The following RAP1GAP variants were observed in gnomAD, a reference collection of about 807,000 sequenced individuals.
RAP1GAP encodes rap1 GTPase-activating protein 1.
RAP1GAP carries 35 observed loss-of-function variants against 87.2 expected under a neutral mutation model. That is an observed-to-expected ratio of 0.40 (90% CI 0.31 to 0.53). The LOEUF (loss-of-function observed/expected upper bound fraction) is 0.53. RAP1GAP is among the 20% of genes least tolerant of loss of function. The pLI, the probability that RAP1GAP is intolerant of heterozygous loss-of-function variation, is 0.48. For synonymous variants in RAP1GAP, 375 were observed against 363.9 expected (o/e 1.03, Z -0.35); for missense variants, 734 against 898.9 (o/e 0.82, Z 2.35).
intron 23 of RAP1GAP, 114 bp downstream of exon 23, chr1:21,597,847 C>A: frequency 6.6e-7 from 1 of 1,505,344 alleles, no homozygotes; most frequent in Non-Finnish European, 9.1e-7. Context: ...CCCCTCCTGG[C>A]CTAGCGGGGC....
chr1:21,665,973 G>C (rs750240865), intron 1 of RAP1GAP, among the ~76,000 whole-genome samples: 2 of 152,252 alleles, frequency 1.3e-5, no homozygotes, highest in Non-Finnish European at 2.9e-5. Context: ...GCCAGGCTGA[G>C]CTGCCTCCCA....
intron 2 of RAP1GAP, among the ~76,000 whole-genome samples, chr1:21,643,787 G>GC (rs1215222090): frequency 6.6e-6 from 1 of 152,144 alleles, no homozygotes; most frequent in Non-Finnish European, 1.5e-5. Flanking sequence ...CATTGTTATG[G>GC]ACAATCTGGG....
intron 1 of RAP1GAP, among the ~76,000 whole-genome samples, chr1:21,660,060 G>T (rs1177962563): frequency 1.3e-5 from 2 of 151,696 alleles, no homozygotes; most frequent in Non-Finnish European, 2.9e-5. Context: ...TGGTATCCTC[G>T]GGCTTGAATG....
chr1:21,662,618 C>A lies in RAP1GAP; in HGVS notation c.-149+6636G>T, dbSNP rs563618086. On this transcript the variant is annotated intron_variant, in intron 1 of 24. Coordinates refer to ENST00000374765, the MANE Select transcript of RAP1GAP (RefSeq NM_002885.4). Reference sequence around the variant, plus strand: ...CTGGAAGCTTCAGGGCCACGTCCTGCAGGTGTGAGCCTCCAAGTCTCAGCC... The same window carrying A: ...CTGGAAGCTTCAGGGCCACGTCCTGAAGGTGTGAGCCTCCAAGTCTCAGCC... Among the ~76,000 whole-genome samples the A allele has an allele frequency of 2.0e-5, 3 of 152,270 alleles. No homozygotes were observed. The East Asian group carries it at 5.8e-4, about 29-fold the overall frequency.
chr1:21,610,057 G>A (rs2077261182), intron 14 of RAP1GAP, 63 bp downstream of exon 14: 1 of 1,568,776 alleles, frequency 6.4e-7, no homozygotes, highest in African/African-American at 1.4e-5. Context: ...GGGCATCCCA[G>A]GGAGGGCAGA....
At chr1:21,614,550 T>C (rs964048869) in intron 7 of RAP1GAP, among the ~76,000 whole-genome samples, 1 of 152,200 alleles carries the variant, frequency 6.6e-6, no homozygotes, top group African/African-American at 2.4e-5. Flanking sequence ...TGTGACTCTG[T>C]GGCCCCTGAA....
At chr1:21,612,966 C>CA in intron 10 of RAP1GAP, 1 of 599,790 alleles carries the variant, frequency 1.7e-6, no homozygotes, top group Non-Finnish European at 3.0e-6. Flanking sequence ...GGCTTAAACG[C>CA]AGGCCCTCCT....
chr1:21,600,161 CA>C (rs1024542628), intron 20 of RAP1GAP, among the ~76,000 whole-genome samples: 8 of 152,168 alleles, frequency 5.3e-5, no homozygotes, highest in Non-Finnish European at 1.2e-4. Context: ...TTTTCATGCT[CA>C]GGGCCTCTAT....
At chr1:21,607,874 G>A (rs1404319469) in intron 17 of RAP1GAP, among the ~76,000 whole-genome samples, 3 of 151,556 alleles carry the variant, frequency 2.0e-5, no homozygotes, top group African/African-American at 4.9e-5. Flanking sequence ...CCCACGCCAT[G>A]TCCATTAGCC....
chr1:21,634,831 C>A lies in RAP1GAP; in HGVS notation c.-112-8434G>T. 2.6e-6 allele frequency: 1 copy of A among 388,328 alleles called. No individual in the cohort carries two copies. The highest frequency in any genetic ancestry group is 1.9e-5 in the South Asian group (1 of 53,692). 24.1% of individuals were successfully genotyped at this position (388,328 alleles called of 1,614,324 possible). ...GCCCCACTGTGGCCAAAACCTGACC[C>A]TTCCCACCCCACCGAGGACTTCAGT... On this transcript the variant is annotated intron_variant, in intron 2 of 24. Transcript: ENST00000374765. This position sits in a 1 kb window ranked among gnomAD's most constrained non-coding sequence, Gnocchi z 4.1.
intron 1 of RAP1GAP, among the ~76,000 whole-genome samples, chr1:21,654,912 G>A (rs182653724): frequency 8.5e-5 from 13 of 152,208 alleles, no homozygotes; most frequent in Admixed American, 7.2e-4. Context: ...AGGCCAAGTC[G>A]GGTAGATCAC....
At chr1:21,608,071 G>T in intron 17 of RAP1GAP, 142 bp downstream of exon 17, 1 of 1,263,412 alleles carries the variant, frequency 7.9e-7, no homozygotes, top group Non-Finnish European at 1.1e-6. Context: ...CAATCCCCCA[G>T]TCCGGGACTC....
At chr1:21,644,349 C>T (rs1239111748) in intron 2 of RAP1GAP, among the ~76,000 whole-genome samples, 1 of 152,186 alleles carries the variant, frequency 6.6e-6, no homozygotes, top group Admixed American at 6.5e-5. Context: ...CCATACAGCG[C>T]AGGGTGACAA....
intron 19 of RAP1GAP, 73 bp from the exon 20 acceptor site, chr1:21,601,870 G>A (rs1001195348): frequency 2.1e-5 from 22 of 1,058,616 alleles, no homozygotes; most frequent in Middle Eastern, 2.9e-4. Flanking sequence ...AGGCCCAGGC[G>A]GTGAGGGGAG....
intron 2 of RAP1GAP, among the ~76,000 whole-genome samples, chr1:21,648,901 C>A (rs542582890): frequency 4.6e-5 from 7 of 152,336 alleles, no homozygotes; most frequent in African/African-American, 1.7e-4. Context: ...CCCAGGAGGG[C>A]TCTGCGGGGA....
chr1:21,621,767 T>C (rs1402107386), intron 3 of RAP1GAP, among the ~76,000 whole-genome samples: 1 of 152,170 alleles, frequency 6.6e-6, no homozygotes, highest in Non-Finnish European at 1.5e-5. Flanking sequence ...GGTGCATTAA[T>C]GTCCCCCATT....
chr1:21,650,330 C>A (rs867081868), intron 1 of RAP1GAP, among the ~76,000 whole-genome samples: 23 of 152,224 alleles, frequency 1.5e-4, no homozygotes, highest in Admixed American at 3.3e-4. Context: ...TTCCCCCCAC[C>A]CTCACCCCAA....
At position 21,603,948 on chromosome 1, in the gene RAP1GAP, A is replaced by G; in HGVS notation, c.1429-1035T>C. ...GCAGAGGGCGGGGGCAGAGAGAGAGAGACAGAGAGAGAGTCAGAGAGCAAG... is the reference window on the plus strand; with the variant it reads ...GCAGAGGGCGGGGGCAGAGAGAGAGGGACAGAGAGAGAGTCAGAGAGCAAG... On this transcript the variant is annotated intron_variant, in intron 18 of 24. Coordinates refer to ENST00000374765, the MANE Select transcript of RAP1GAP (RefSeq NM_002885.4). The surrounding 1 kb of genome is among the most constrained non-coding windows in gnomAD (Gnocchi z 6.0). The G allele has an allele frequency of 7.0e-7, 1 of 1,433,272 alleles. No individual in the cohort carries two copies. The allele number at this position is 1,433,272 out of a possible 1,614,324, so 88.8% of individuals were successfully genotyped here.
intron 2 of RAP1GAP, among the ~76,000 whole-genome samples, chr1:21,639,526 G>C (rs1452036968): frequency 2.0e-5 from 3 of 152,222 alleles, no homozygotes; most frequent in Admixed American, 6.5e-5. Context: ...CTCAGCCTCT[G>C]TTTCCTCGGC....
Sources: gnomAD v4.1 joint callset for allele counts (sites outside exome capture counted in the v4.1 genomes callset) on GRCh38, gnomAD v4.1.1 for gene constraint, Gnocchi (gnomAD v3.1) non-coding constraint, MANE v1.5 for transcripts, NCBI Gene and HGNC (gene_info 2026-07-23, HGNC 2026-07-21) for gene names.